SVEP1: variants seen among roughly 807,000 people sequenced by gnomAD.
The protein encoded by SVEP1 is sushi, von Willebrand factor type A, EGF and pentraxin domain-containing protein 1.
In SVEP1, 164 loss-of-function variants were observed where a neutral mutation model predicts 367.3. The observed-to-expected ratio is 0.45, with a 90% CI of 0.39 to 0.51. SVEP1 has a LOEUF of 0.51. Among genes scored for constraint, SVEP1 ranks in the 20% least tolerant of loss-of-function variants. The pLI is 0.00. For missense variants in SVEP1, 4,117 were observed against 4,425.3 expected (o/e 0.93, Z 1.98); for synonymous variants, 1,666 against 1,611.6 (o/e 1.03, Z -0.81).
Position 110,503,144 on chromosome 9 carries a change from C to T in SVEP1, c.1377G>A (p.Lys459=). The part of the protein sequence containing the change: ...ISCSTREMLY[K]TTCLVACDEG... Reference sequence around the variant, plus strand: ...CATCACAGGCAACCAAACATGTTGTCTTATATAACATTTCCCTTGTAGAAC... The same window carrying T: ...CATCACAGGCAACCAAACATGTTGTTTTATATAACATTTCCCTTGTAGAAC... The change falls in exon 6 of 48, where the codon AAG becomes AAA. Residue 459 remains lysine (K), a synonymous_variant. Transcript: ENST00000374469. 1.9e-6 allele frequency: 3 copies of T among 1,613,984 alleles called. No individual in the cohort carries two copies. Among genetic ancestry groups the T allele is most frequent in the Non-Finnish European group, 2.5e-6 (3 of 1,179,886 alleles).
chr9:110,428,399 A>AACACACACACACACACACACACAC (rs113743775), intron 35 of SVEP1, among the ~76,000 whole-genome samples: 51 of 120,228 alleles, frequency 4.2e-4, no homozygotes, highest in African/African-American at 8.5e-4. Context: ...CCTCTGTTTA[A>AACACACACACACACACACACACAC]ACACACACAC....
In SVEP1 at chr9:110,445,822, G is replaced by T. The variant is rs557740961; in HGVS notation, c.4463+15C>A. 6.2e-7 allele frequency: 1 copy of T among 1,613,162 alleles called. No homozygotes were observed. On this transcript the variant is annotated intron_variant, in intron 26 of 47. Transcript: ENST00000374469. ...ATAAGATCTTAAGCATAGCCTTCCC[G>T]ACACTTCTGCTTACCCGTTATAATC...
intron 3 of SVEP1, among the ~76,000 whole-genome samples, chr9:110,534,078 G>A (rs186599445): frequency 1.6e-3 from 239 of 152,100 alleles, no homozygotes; most frequent in African/African-American, 5.5e-3. Context: ...TGTTATATAG[G>A]TAAACTCACA....
At chr9:110,410,268 T>C (rs1828025830) in intron 37 of SVEP1, among the ~76,000 whole-genome samples, 1 of 152,214 alleles carries the variant, frequency 6.6e-6, no homozygotes, top group South Asian at 2.1e-4. Context: ...TTTGGGGGAA[T>C]AGATTCTCAT....
intron 1 of SVEP1, among the ~76,000 whole-genome samples, chr9:110,567,172 T>A (rs1401560147): frequency 6.6e-6 from 1 of 152,174 alleles, no homozygotes; most frequent in African/African-American, 2.4e-5. Flanking sequence ...CTAATGAATA[T>A]CATTTTCTAG....
At chr9:110,436,528 A>G (rs1037244383) in intron 27 of SVEP1, 24 bp from the exon 28 acceptor site, 8 of 1,608,594 alleles carry the variant, frequency 5.0e-6, no homozygotes, top group Non-Finnish European at 6.8e-6. Flanking sequence ...AAGAGAAAGA[A>G]AAGGAGGAAA....
intron 14 of SVEP1, among the ~76,000 whole-genome samples, chr9:110,475,124 T>TCGC (rs1829079779): frequency 1.3e-5 from 2 of 152,024 alleles, no homozygotes; most frequent in Non-Finnish European, 2.9e-5. Flanking sequence ...TTTAAGCATT[T>TCGC]TAAAAATTGT....
At chr9:110,512,207 G>C (rs1399745184) in intron 5 of SVEP1, among the ~76,000 whole-genome samples, 1 of 152,070 alleles carries the variant, frequency 6.6e-6, no homozygotes, top group Non-Finnish European at 1.5e-5. Context: ...TTCTGATGGA[G>C]GTCCTCAAGT....
Position 110,466,529 on chromosome 9 carries a change from C to T in SVEP1, c.3161-503G>A, listed in dbSNP as rs569793232. On this transcript the variant is annotated intron_variant, in intron 17 of 47. Transcript: ENST00000374469. ...ATCCCAGCACTTTGGGAGGCCGAGG[C>T]GGGCGGATCACGAGGTCAGGAGATC... is the stretch of plus-strand genomic sequence containing the variant. Among the ~76,000 whole-genome samples the T allele has an allele frequency of 8.1e-4, 123 of 151,920 alleles. 3 individuals carry two copies. In the South Asian group the frequency reaches 0.018, roughly 22 times the overall value.
chr9:110,434,683 A>AAAAAAAAAAAAAAAAAAAAAAAAC (rs1828406499), intron 29 of SVEP1, among the ~76,000 whole-genome samples, 177 bp from the exon 30 acceptor site: 1 of 150,586 alleles, frequency 6.6e-6, no homozygotes, highest in African/African-American at 2.4e-5. Context: ...AAAAAAAAAA[A>AAAAAAAAAAAAAAAAAAAAAAAAC]AAAGCATTTA....
chr9:110,463,355 T>C (rs1588065928), intron 18 of SVEP1, among the ~76,000 whole-genome samples: 1 of 152,050 alleles, frequency 6.6e-6, no homozygotes, highest in South Asian at 2.1e-4. Flanking sequence ...TTATAAAAAG[T>C]AAAATGTACA....
At chr9:110,456,469 C>A (rs1828777302) in intron 21 of SVEP1, among the ~76,000 whole-genome samples, 1 of 152,118 alleles carries the variant, frequency 6.6e-6, no homozygotes, top group Non-Finnish European at 1.5e-5. Context: ...CAGAGACACA[C>A]ATGCACACAA....
chr9:110,428,694 C>T (rs1462096313), intron 35 of SVEP1, among the ~76,000 whole-genome samples: 1 of 152,088 alleles, frequency 6.6e-6, no homozygotes, highest in Non-Finnish European at 1.5e-5. Flanking sequence ...CTAGGTAGGC[C>T]TCGGGAAGCA....
intron 24 of SVEP1, among the ~76,000 whole-genome samples, chr9:110,449,043 G>A (rs566518890): frequency 7.9e-5 from 12 of 152,242 alleles, no homozygotes; most frequent in African/African-American, 2.9e-4. Flanking sequence ...GCAGCATCTT[G>A]AGGACAATAC....
chr9:110,537,017 A>G (rs751130891), intron 3 of SVEP1, among the ~76,000 whole-genome samples: 1 of 151,980 alleles, frequency 6.6e-6, no homozygotes, highest in Non-Finnish European at 1.5e-5. Context: ...CTCCTTTTGT[A>G]CGTCAAAATG....
At chr9:110,465,716 T>TAAAC in intron 18 of SVEP1, 149 bp downstream of exon 18, 1 of 1,074,052 alleles carries the variant, frequency 9.3e-7, no homozygotes, top group South Asian at 2.1e-5. Context: ...GAAAAGAAAC[T>TAAAC]AAACAAACAA....
intron 34 of SVEP1, among the ~76,000 whole-genome samples, chr9:110,429,586 A>C (rs1185200147): frequency 6.6e-6 from 1 of 152,196 alleles, no homozygotes; most frequent in African/African-American, 2.4e-5. Flanking sequence ...AGTAACTACA[A>C]ACAGGGAATC....
At chr9:110,467,601 G>A (rs886334589) in intron 17 of SVEP1, among the ~76,000 whole-genome samples, 33 of 151,660 alleles carry the variant, frequency 2.2e-4, no homozygotes, top group African/African-American at 8.0e-4. Context: ...TACCTCGTTG[G>A]ATAAAAGTAT....
In SVEP1 at chr9:110,499,253, CAG is replaced by C. The variant is rs772965475; in HGVS notation, c.1484-17_1484-16del. 1 of 1,595,896 alleles carries C rather than the reference CAG, an allele frequency of 6.3e-7. No individual in the cohort carries two copies. The highest frequency in any genetic ancestry group is 1.1e-5 in the South Asian group (1 of 88,458). On this transcript the variant is annotated splice_polypyrimidine_tract_variant and intron_variant, in intron 6 of 47. Transcript: ENST00000374469. ...ACAGTGGCGCTCTACGGTAGGGAAA[CAG>C]AGAGAATGTTATTTGTGTTCCCACA...
Sources: gnomAD v4.1 joint callset for allele counts (sites outside exome capture counted in the v4.1 genomes callset) on GRCh38, gnomAD v4.1.1 for gene constraint, MANE v1.5 for transcripts, NCBI Gene and HGNC (gene_info 2026-07-23, HGNC 2026-07-21) for gene names.